Variants in ANGPT4 observed in about 807,000 individuals in gnomAD.
ANGPT4 encodes angiopoietin 4.
Under a neutral mutation model 53.0 loss-of-function variants are expected in ANGPT4, and 50 were observed. The observed-to-expected ratio is 0.94, with a 90% CI of 0.75 to 1.20. The LOEUF (loss-of-function observed/expected upper bound fraction) is 1.20. Among genes scored for constraint, ANGPT4 ranks in the 50% most tolerant of loss-of-function variants. The pLI, the probability that ANGPT4 is intolerant of heterozygous loss-of-function variation, is 0.00. For missense variants in ANGPT4, 648 were observed against 637.1 expected (o/e 1.02, Z -0.18); for synonymous variants, 251 against 259.7 (o/e 0.97, Z 0.32).
chr20:874,300 G>A lies in ANGPT4; in HGVS notation c.1335C>T (p.Ala445=), dbSNP rs753412056. The A allele has an allele frequency of 1.2e-6, 2 of 1,614,174 alleles. No homozygotes were observed. Among genetic ancestry groups the A allele is most frequent in the Admixed American group, 3.3e-5 (2 of 60,022 alleles). Residue 445 remains alanine, a synonymous_variant, in exon 8 of 9, where the codon GCC becomes GCT. Transcript: ENST00000381922. ...TGCACCTACCTCCAGACATCACTTG[G>A]GCACACTTGCAGAGACAGTGGTCGT... ...SDNDHCLCKC[A]QVMSGGWWFD...
At chr20:901,016 A>G (rs1209642542) in intron 1 of ANGPT4, among the ~76,000 whole-genome samples, 1 of 152,166 alleles carries the variant, frequency 6.6e-6, no homozygotes, top group Non-Finnish European at 1.5e-5. Flanking sequence ...CCTTTACCCC[A>G]AAATCTTTCT....
intron 1 of ANGPT4, among the ~76,000 whole-genome samples, chr20:892,841 G>A (rs369631669): frequency 1.1e-4 from 16 of 152,056 alleles, no homozygotes; most frequent in African/African-American, 3.6e-4. Context: ...TCCCCCCTTC[G>A]CTCTTTAATT....
intron 1 of ANGPT4, among the ~76,000 whole-genome samples, chr20:909,923 C>G (rs1423220264): frequency 6.6e-6 from 1 of 152,194 alleles, no homozygotes; most frequent in Non-Finnish European, 1.5e-5. Context: ...TGAATCATCC[C>G]TGGCAGAAAA....
chr20:896,969 G>A (rs1425639777), intron 1 of ANGPT4, among the ~76,000 whole-genome samples: 6 of 152,168 alleles, frequency 3.9e-5, no homozygotes, highest in African/African-American at 1.2e-4. Context: ...GCTGGTTCCT[G>A]CCTTAACGGA....
chr20:915,654 C>T (rs775020889), intron 1 of ANGPT4, among the ~76,000 whole-genome samples: 7 of 152,146 alleles, frequency 4.6e-5, no homozygotes, highest in Non-Finnish European at 8.8e-5. Context: ...AGGCTTGGTC[C>T]GTTCAGCCCT....
chr20:888,800 C>A (rs143663661), intron 2 of ANGPT4, among the ~76,000 whole-genome samples: 1 of 152,198 alleles, frequency 6.6e-6, no homozygotes, highest in Non-Finnish European at 1.5e-5. Context: ...TGGACTGCTC[C>A]CTCATTGCTT....
intron 1 of ANGPT4, among the ~76,000 whole-genome samples, chr20:892,249 A>G (rs961315375): frequency 1.3e-5 from 2 of 152,124 alleles, no homozygotes; most frequent in African/African-American, 4.8e-5. Flanking sequence ...CTTAAAAAAC[A>G]ACAACAACAA....
intron 1 of ANGPT4, among the ~76,000 whole-genome samples, chr20:900,710 A>G (rs1314939218): frequency 6.6e-6 from 1 of 152,218 alleles, no homozygotes; most frequent in East Asian, 1.9e-4. Context: ...CCAAATGAAG[A>G]AGGTTGTTTT....
Position 891,503 on chromosome 20 carries a change from CAGCT to C in ANGPT4, c.310-1139_310-1136del, listed in dbSNP as rs1981847573. On this transcript the variant is annotated intron_variant, in intron 1 of 8. Transcript: ENST00000381922. ...GGCTCGGTGCCTGCAGGCAGAGAGC[CAGCT>C]CCCCTCCACCATTGCCTCTCCATTC... Among the ~76,000 whole-genome samples, 4 of 152,326 alleles carry C rather than the reference CAGCT, an allele frequency of 2.6e-5. No homozygotes were observed. In the South Asian group the frequency reaches 8.3e-4, roughly 32 times the overall value.
At chr20:912,741 C>T (rs1982754287) in intron 1 of ANGPT4, among the ~76,000 whole-genome samples, 1 of 152,138 alleles carries the variant, frequency 6.6e-6, no homozygotes, top group African/African-American at 2.4e-5. Flanking sequence ...GCCTGATGAG[C>T]ACTGGCAGTA....
chr20:896,940 C>A (rs189098599), intron 1 of ANGPT4, among the ~76,000 whole-genome samples: 1 of 152,268 alleles, frequency 6.6e-6, no homozygotes, highest in East Asian at 1.9e-4. Context: ...ACTGGAGAAC[C>A]ACAAAAGAAG....
chr20:893,771 T>C (rs1981937286), intron 1 of ANGPT4, among the ~76,000 whole-genome samples: 1 of 152,198 alleles, frequency 6.6e-6, no homozygotes. Flanking sequence ...TCCACCCAGT[T>C]CTGAAGCCCC....
chr20:907,032 C>T (rs742922), intron 1 of ANGPT4, among the ~76,000 whole-genome samples: 6,472 of 152,290 alleles, frequency 0.042, 179 homozygotes, highest in Middle Eastern at 0.11. Context: ...ATAGCTTTGC[C>T]ATTTCCTTTC....
In ANGPT4 at chr20:881,293, A is replaced by C. The variant is rs979427761; in HGVS notation, c.836-7T>G. 5 of 1,613,490 alleles carry C rather than the reference A, an allele frequency of 3.1e-6. No homozygotes were observed. The African/African-American group carries it at 5.3e-5, about 17-fold the overall frequency. ...TCACCTGCCATTATGAAGGCTGCAAAGGGACAACACAAAAGTCAGTTGGAG... is the reference window on the plus strand; with the variant it reads ...TCACCTGCCATTATGAAGGCTGCAACGGGACAACACAAAAGTCAGTTGGAG... On this transcript the variant is annotated splice_region_variant and splice_polypyrimidine_tract_variant and intron_variant, in intron 4 of 8. Coordinates refer to ENST00000381922, the MANE Select transcript of ANGPT4 (RefSeq NM_015985.4).
chr20:881,570 G>C (rs1221013010), intron 4 of ANGPT4, among the ~76,000 whole-genome samples: 2 of 152,216 alleles, frequency 1.3e-5, no homozygotes, highest in Non-Finnish European at 2.9e-5. Flanking sequence ...GCAGAGGACA[G>C]GGCATGGGGA....
Position 908,593 on chromosome 20 carries a change from CA to C in ANGPT4, c.309+7312del, listed in dbSNP as rs1982572584. ...ACTAGGTTAGTTACACCCACTGCTC[CA>C]GGGGCAAGGGGGAAGGATGGTCTTC... On this transcript the variant is annotated intron_variant, in intron 1 of 8. Coordinates refer to ENST00000381922, the MANE Select transcript of ANGPT4 (RefSeq NM_015985.4). The surrounding 1 kb of genome is among the most constrained non-coding windows in gnomAD (Gnocchi z 4.9). 6.6e-6 allele frequency among the ~76,000 whole-genome samples: 1 copy of C among 152,192 alleles called. No homozygotes were observed. The highest frequency in any genetic ancestry group is 1.5e-5 in the Non-Finnish European group (1 of 68,028).
Position 872,798 on chromosome 20 carries a change from G to A in ANGPT4, c.*162C>T, listed in dbSNP as rs1001724421. On this transcript the variant is annotated 3_prime_UTR_variant, in exon 9 of 9. Coordinates refer to ENST00000381922, the MANE Select transcript of ANGPT4 (RefSeq NM_015985.4). Reference sequence around the variant, plus strand: ...GTCACAGACGGAGGGGAGTTGGGGGGCAGATGACCCTTCTGGACTTCTGGG... The same window carrying A: ...GTCACAGACGGAGGGGAGTTGGGGGACAGATGACCCTTCTGGACTTCTGGG... 33 of 812,058 alleles carry A rather than the reference G, an allele frequency of 4.1e-5. No homozygotes were observed. Among genetic ancestry groups the A allele is most frequent in the Non-Finnish European group, 1.6e-5 (8 of 514,420 alleles). 50.3% of individuals were successfully genotyped at this position (812,058 alleles called of 1,614,324 possible).
At chr20:907,775 C>A (rs1359285402) in intron 1 of ANGPT4, among the ~76,000 whole-genome samples, 1 of 152,160 alleles carries the variant, frequency 6.6e-6, no homozygotes, top group South Asian at 2.1e-4. Context: ...TGCCCACCCC[C>A]CAACCTCACC....
chr20:873,721 C>T (rs1981044168), intron 8 of ANGPT4, among the ~76,000 whole-genome samples: 1 of 152,072 alleles, frequency 6.6e-6, no homozygotes, highest in African/African-American at 2.4e-5. Context: ...CTTCTCTGCC[C>T]CAGTATAGCT....
Sources: allele counts gnomAD v4.1 joint callset (sites outside exome capture counted in the v4.1 genomes callset), GRCh38; gene constraint gnomAD v4.1.1; non-coding constraint Gnocchi (gnomAD v3.1); transcripts MANE v1.5; gene names NCBI Gene and HGNC (gene_info 2026-07-23, HGNC 2026-07-21).